FRMPD3: variants seen among roughly 807,000 people sequenced by gnomAD.
The protein encoded by FRMPD3 is FERM and PDZ domain-containing protein 3.
Under a neutral mutation model 97.9 loss-of-function variants are expected in FRMPD3, and 42 were observed. That is an observed-to-expected ratio of 0.43 (90% CI 0.34 to 0.55). The LOEUF is 0.55. FRMPD3 is among the 20% of genes least tolerant of loss of function. The pLI is 0.03. For synonymous variants in FRMPD3, 577 were observed against 581.1 expected (o/e 0.99, Z 0.10); for missense variants, 1,303 against 1,457.7 (o/e 0.89, Z 1.73).
rs1392768377 is a variant in FRMPD3, at chrX:107,563,218, G to C, written c.1116+18G>C. 8.5e-7 allele frequency: 1 copy of C among 1,169,661 alleles called. No individual in the cohort carries two copies. Among genetic ancestry groups the C allele is most frequent in the Non-Finnish European group, 1.2e-6 (1 of 860,925 alleles). ...TAGGCCTGGTCAGTGGCGCAGGATT[G>C]GGGGATGTGGGGAGGGAGCCCCTTG... On this transcript the variant is annotated intron_variant, in intron 11 of 14. Coordinates refer to ENST00000683843, the MANE Select transcript of FRMPD3 (RefSeq NM_001388459.1).
At chrX:107,565,418 G>A (rs1046248751) in intron 12 of FRMPD3, among the ~76,000 whole-genome samples, 8 of 111,905 alleles carry the variant, frequency 7.1e-5, no homozygotes, top group African/African-American at 2.0e-4. Flanking sequence ...TCACAGGCCG[G>A]CATGGTGGCT....
chrX:107,597,171 C>T (rs1924211964), intron 13 of FRMPD3, 150 bp from the exon 14 acceptor site: 1 of 504,842 alleles, frequency 2.0e-6, no homozygotes, highest in Admixed American at 3.6e-5. Context: ...CATCAACTTC[C>T]CTACCTCTAA....
At chrX:107,570,994 A>C (rs1338077318) in intron 12 of FRMPD3, among the ~76,000 whole-genome samples, 1 of 111,481 alleles carries the variant, frequency 9.0e-6, no homozygotes, top group Admixed American at 9.5e-5. Context: ...ATTAGTTTTC[A>C]CTCAGCTTAC....
At chrX:107,521,598 C>T (rs975866507) in intron 1 of FRMPD3, among the ~76,000 whole-genome samples, 5 of 112,739 alleles carry the variant, frequency 4.4e-5, no homozygotes, top group South Asian at 3.6e-4. Flanking sequence ...TACTTCACAG[C>T]GCTGGGGATG....
intron 1 of FRMPD3, among the ~76,000 whole-genome samples, chrX:107,492,619 A>G (rs1921686573): frequency 8.9e-6 from 1 of 112,174 alleles, no homozygotes; most frequent in Non-Finnish European, 1.9e-5. Flanking sequence ...CAACATAGGC[A>G]TCACCTGGGA....
chrX:107,600,177 CT>C, intron 14 of FRMPD3, 125 bp from the exon 15 acceptor site: 1 of 876,589 alleles, frequency 1.1e-6, no homozygotes, highest in Admixed American at 3.9e-5. Flanking sequence ...ACTTGAGCAT[CT>C]GCAAGTTTTG....
At chrX:107,562,133 G>A (rs1405043032) in intron 10 of FRMPD3, among the ~76,000 whole-genome samples, 1 of 112,524 alleles carries the variant, frequency 8.9e-6, no homozygotes, top group Non-Finnish European at 1.9e-5. Flanking sequence ...GTGTTTCCCA[G>A]GCAGAGAGAT....
chrX:107,501,271 A>G (rs986591260), intron 1 of FRMPD3, among the ~76,000 whole-genome samples: 3 of 98,443 alleles, frequency 3.0e-5, no homozygotes, highest in Non-Finnish European at 4.1e-5. Flanking sequence ...GTTCACATCC[A>G]CTCTACCTTC....
chrX:107,539,124 T>G (rs1041920568), intron 4 of FRMPD3, among the ~76,000 whole-genome samples: 2 of 112,352 alleles, frequency 1.8e-5, no homozygotes, highest in African/African-American at 6.5e-5. Flanking sequence ...AATTAGAAGC[T>G]CTGGAGATGA....
At chrX:107,509,177 G>T (rs1286020873) in intron 1 of FRMPD3, among the ~76,000 whole-genome samples, 3 of 112,578 alleles carry the variant, frequency 2.7e-5, no homozygotes, top group East Asian at 5.6e-4. Flanking sequence ...CCCTGCAGCT[G>T]GGTTATTTAT....
At chrX:107,550,768 C>A (rs889839935) in intron 6 of FRMPD3, among the ~76,000 whole-genome samples, 2 of 111,492 alleles carry the variant, frequency 1.8e-5, no homozygotes, top group Non-Finnish European at 3.8e-5. Flanking sequence ...ATATGATTCA[C>A]CCCCAGATTC....
At chrX:107,527,266 A>G (rs1296721954) in intron 2 of FRMPD3, among the ~76,000 whole-genome samples, 1 of 112,416 alleles carries the variant, frequency 8.9e-6, no homozygotes, top group Non-Finnish European at 1.9e-5. Context: ...GGAATCTCTG[A>G]ATGCTTGAGT....
In FRMPD3 at chrX:107,602,905, T is replaced by A; in HGVS notation, c.4866T>A (p.Ser1622=). Residue 1622 remains serine (S), a synonymous_variant, in exon 15 of 15, where the codon TCT becomes TCA. Transcript: ENST00000683843. The part of the protein sequence containing the change: ...PEARAPKPYV[S]QISEYKLELA... ...CCCGTGCCCCCAAGCCCTATGTGTC[T>A]CAGATCTCCGAGTATAAGCTTGAGC... The A allele has an allele frequency of 1.7e-6, 2 of 1,210,982 alleles. No individual in the cohort carries two copies. The highest frequency in any genetic ancestry group is 3.5e-5 in the South Asian group (2 of 56,986).
intron 13 of FRMPD3, among the ~76,000 whole-genome samples, chrX:107,579,378 C>T (rs1233489855): frequency 2.7e-5 from 3 of 111,920 alleles, no homozygotes; most frequent in African/African-American, 9.7e-5. Flanking sequence ...GAAGGGACTC[C>T]CTCTTGGGCT....
intron 13 of FRMPD3, among the ~76,000 whole-genome samples, chrX:107,586,131 G>T (rs1273290957): frequency 8.9e-6 from 1 of 111,910 alleles, no homozygotes; most frequent in Non-Finnish European, 1.9e-5. Context: ...CTTGTTATTG[G>T]TCTATTCAGG....
chrX:107,525,622 C>G (rs1270007432), intron 1 of FRMPD3: 1 of 558,915 alleles, frequency 1.8e-6, no homozygotes, highest in South Asian at 2.2e-5. Context: ...GGATGCAGCT[C>G]CCCTTCTGGC....
chrX:107,598,229 T>C (rs1924312863), intron 14 of FRMPD3, 87 bp downstream of exon 14: 2 of 817,485 alleles, frequency 2.4e-6, no homozygotes, highest in African/African-American at 4.1e-5. Flanking sequence ...CCCAAATAGG[T>C]GTCAGAGTCA....
Position 107,545,803 on chromosome X carries a change from C to T in FRMPD3, c.364C>T (p.Arg122Ter), listed in dbSNP as rs754401824. The T allele has an allele frequency of 3.3e-6, 4 of 1,209,851 alleles. No individual in the cohort carries two copies. Among genetic ancestry groups the T allele is most frequent in the Middle Eastern group, 2.3e-4 (1 of 4,352 alleles). Residue 122 changes from arginine to a stop codon, truncating the protein, a stop_gained, in exon 5 of 15, where the codon CGA becomes TGA. Coordinates refer to ENST00000683843, the MANE Select transcript of FRMPD3 (RefSeq NM_001388459.1). LOFTEE classifies it high-confidence loss of function. ...GTTGAGGTCCAATCCTGTGAAGGTT[C>T]GATTTTCTGAGCAGGTGGCAGTTGG... ...AKLRSNPVKV[R>*]FSEQVAVGET...
At chrX:107,476,091 G>A (rs1400248513) in intron 1 of FRMPD3, among the ~76,000 whole-genome samples, 1 of 111,848 alleles carries the variant, frequency 8.9e-6, no homozygotes, top group Non-Finnish European at 1.9e-5. Flanking sequence ...CACCATGTTG[G>A]CCAGGATGGT....
Sources: allele counts gnomAD v4.1 joint callset (sites outside exome capture counted in the v4.1 genomes callset), GRCh38; gene constraint gnomAD v4.1.1; transcripts MANE v1.5; gene names NCBI Gene and HGNC (gene_info 2026-07-23, HGNC 2026-07-21).